The following NEGR1 variants were observed in gnomAD, a reference collection of about 807,000 sequenced individuals.
NEGR1 encodes IgLON family member 4.
Under a neutral mutation model 40.9 loss-of-function variants are expected in NEGR1, and 10 were observed. That is an observed-to-expected ratio of 0.24 (90% CI 0.15 to 0.42). The LOEUF (loss-of-function observed/expected upper bound fraction) is 0.42, where lower values mean the gene tolerates loss of function less well. Ranked by LOEUF, NEGR1 falls within the 10% of genes least tolerant of loss-of-function variation. The pLI is 1.00. For synonymous variants in NEGR1, 185 were observed against 166.8 expected (o/e 1.11, Z -0.84); for missense variants, 352 against 438.9 (o/e 0.80, Z 1.77).
At chr1:71,559,465 G>A (rs1196956162) in intron 6 of NEGR1, among the ~76,000 whole-genome samples, 6 of 151,386 alleles carry the variant, frequency 4.0e-5, no homozygotes, top group Non-Finnish European at 8.9e-5. Flanking sequence ...TCCATCTTGT[G>A]TTTCTCAAAT....
chr1:71,673,095 C>T (rs1652490679), intron 4 of NEGR1, among the ~76,000 whole-genome samples: 1 of 152,010 alleles, frequency 6.6e-6, no homozygotes, highest in South Asian at 2.1e-4. Context: ...CAAAATTAGC[C>T]TGGCATTTTG....
intron 1 of NEGR1, among the ~76,000 whole-genome samples, chr1:72,246,664 C>T (rs556337013): frequency 5.1e-4 from 77 of 152,180 alleles, no homozygotes; most frequent in Non-Finnish European, 9.3e-4. Flanking sequence ...GTCTTGCAAG[C>T]TGCTGATGGC....
chr1:72,216,398 TATAC>T (rs1328703470), intron 1 of NEGR1, among the ~76,000 whole-genome samples: 4 of 131,776 alleles, frequency 3.0e-5, no homozygotes, highest in South Asian at 2.1e-4. Flanking sequence ...TATATATATA[TATAC>T]ATATATATAT....
chr1:71,671,203 G>T (rs564420828), intron 4 of NEGR1, among the ~76,000 whole-genome samples: 2 of 152,260 alleles, frequency 1.3e-5, no homozygotes, highest in South Asian at 4.1e-4. Flanking sequence ...CACTTGATTT[G>T]TCGTGGTTCC....
chr1:71,436,685 C>A (rs993893585), intron 6 of NEGR1, among the ~76,000 whole-genome samples: 6 of 152,102 alleles, frequency 3.9e-5, no homozygotes, highest in Non-Finnish European at 5.9e-5. Flanking sequence ...GCCTCTGCCA[C>A]CCCTGAGGCA....
intron 1 of NEGR1, among the ~76,000 whole-genome samples, chr1:72,036,859 T>A (rs1011371786): frequency 1.3e-5 from 2 of 152,074 alleles, no homozygotes; most frequent in Non-Finnish European, 2.9e-5. Context: ...TCTTTTTGTT[T>A]TTGCAACAAG....
At chr1:71,573,180 T>G (rs1648859188) in intron 6 of NEGR1, among the ~76,000 whole-genome samples, 1 of 152,088 alleles carries the variant, frequency 6.6e-6, no homozygotes, top group Admixed American at 6.6e-5. Flanking sequence ...CTAGGACTGG[T>G]TAGCTACATG....
intron 1 of NEGR1, among the ~76,000 whole-genome samples, chr1:72,242,471 G>A (rs1194263): frequency 2.0e-5 from 3 of 151,042 alleles, no homozygotes; most frequent in South Asian, 2.1e-4. Context: ...TATGCATAGC[G>A]ACTCAATAAA....
chr1:71,652,659 C>A (rs910767597), intron 4 of NEGR1, among the ~76,000 whole-genome samples: 1 of 151,870 alleles, frequency 6.6e-6, no homozygotes, highest in Admixed American at 6.6e-5. Flanking sequence ...TGAGCCCAGG[C>A]GTTCGAGACC....
At chr1:72,183,183 G>T (rs1036348461) in intron 1 of NEGR1, among the ~76,000 whole-genome samples, 1 of 152,058 alleles carries the variant, frequency 6.6e-6, no homozygotes, top group Non-Finnish European at 1.5e-5. Flanking sequence ...CTCTTTAAGA[G>T]ACCCTACTTC....
chr1:71,854,523 T>A (rs970345166), intron 2 of NEGR1, among the ~76,000 whole-genome samples: 2 of 152,102 alleles, frequency 1.3e-5, no homozygotes, highest in African/African-American at 4.8e-5. Flanking sequence ...CAAAAGGTGA[T>A]GATAATTATA....
chr1:71,942,450 TAAA>T, intron 1 of NEGR1, among the ~76,000 whole-genome samples: 1 of 61,050 alleles, frequency 1.6e-5, no homozygotes, highest in African/African-American at 5.1e-5. Flanking sequence ...TAAAATTCTT[TAAA>T]TCTATATATA....
Position 71,831,153 on chromosome 1 carries a change from C to CTGTCTTTTAGGACAG in NEGR1, c.410-54871_410-54857dup, listed in dbSNP as rs751254852. On this transcript the variant is annotated intron_variant, in intron 2 of 6. Transcript: ENST00000357731. ...AAGATGTAAACAGAAAAACAGTATG[C>CTGTCTTTTAGGACAG]TGTCTTTTAGGACAGTGTCTTTTAG... Among the ~76,000 whole-genome samples the CTGTCTTTTAGGACAG allele has an allele frequency of 2.6e-5, 4 of 152,008 alleles. No homozygotes were observed. The South Asian group carries it at 8.3e-4, about 32-fold the overall frequency.
intron 6 of NEGR1, among the ~76,000 whole-genome samples, chr1:71,568,842 G>A (rs1283825102): frequency 5.3e-5 from 8 of 150,668 alleles, no homozygotes; most frequent in Non-Finnish European, 8.8e-5. Context: ...GTGTGTGTGT[G>A]TGTGTGTGTG....
chr1:72,086,858 T>C (rs570638640), intron 1 of NEGR1, among the ~76,000 whole-genome samples: 40 of 152,324 alleles, frequency 2.6e-4, no homozygotes, highest in Non-Finnish European at 5.3e-4. Context: ...TTTAAACTTT[T>C]ATTTCAATGC....
At chr1:72,205,549 ATTT>A (rs74950870) in intron 1 of NEGR1, among the ~76,000 whole-genome samples, 7 of 141,460 alleles carry the variant, frequency 4.9e-5, no homozygotes, top group African/African-American at 1.0e-4. Flanking sequence ...GCCTTGCTAC[ATTT>A]TTTTTTTTTT....
intron 1 of NEGR1, among the ~76,000 whole-genome samples, chr1:72,102,119 T>C (rs950662197): frequency 5.3e-5 from 8 of 152,082 alleles, no homozygotes; most frequent in Non-Finnish European, 8.8e-5. Context: ...AAGACACATT[T>C]AAGTTTCTCA....
At chr1:72,083,003 T>C (rs1344337160) in intron 1 of NEGR1, among the ~76,000 whole-genome samples, 1 of 152,114 alleles carries the variant, frequency 6.6e-6, no homozygotes, top group Non-Finnish European at 1.5e-5. Context: ...AATTATTTTA[T>C]CTAAAACACA....
chr1:71,704,591 GAAAA>G (rs1653822790), intron 3 of NEGR1, among the ~76,000 whole-genome samples: 1 of 151,504 alleles, frequency 6.6e-6, no homozygotes, highest in Non-Finnish European at 1.5e-5. Context: ...TATTAATTTA[GAAAA>G]AATAAATAAT....
Sources: gnomAD v4.1 joint callset for allele counts (sites outside exome capture counted in the v4.1 genomes callset) on GRCh38, gnomAD v4.1.1 for gene constraint, MANE v1.5 for transcripts, NCBI Gene and HGNC (gene_info 2026-07-23, HGNC 2026-07-21) for gene names.